The following RAB23 variants were observed in gnomAD, a reference collection of about 807,000 sequenced individuals.
RAB23 encodes ras-related protein Rab-23.
RAB23 carries 15 observed loss-of-function variants against 30.0 expected under a neutral mutation model. That is an observed-to-expected ratio of 0.50 (90% CI 0.33 to 0.77). The LOEUF (loss-of-function observed/expected upper bound fraction) is 0.77, where lower values mean the gene tolerates loss of function less well. Among genes scored for constraint, RAB23 ranks in the 30% least tolerant of loss-of-function variants. RAB23 has a pLI of 0.02. For missense variants in RAB23, 243 were observed against 275.4 expected (o/e 0.88, Z 0.83); for synonymous variants, 93 against 94.0 (o/e 0.99, Z 0.06).
intron 1 of RAB23, among the ~76,000 whole-genome samples, chr6:57,218,289 A>G (rs1241835304): frequency 6.6e-6 from 1 of 152,228 alleles, no homozygotes; most frequent in Non-Finnish European, 1.5e-5. Context: ...TTCTGAACAA[A>G]GATGTAAAAA....
At chr6:57,192,083 A>G (rs1212285878) in intron 6 of RAB23, among the ~76,000 whole-genome samples, 3 of 152,010 alleles carry the variant, frequency 2.0e-5, no homozygotes, top group Non-Finnish European at 2.9e-5. Context: ...GCCTCAAGCA[A>G]TCCTCCTGCT....
chr6:57,205,656 G>A (rs1765431699), intron 3 of RAB23, among the ~76,000 whole-genome samples: 1 of 152,098 alleles, frequency 6.6e-6, no homozygotes. Context: ...AAGGCAAAAG[G>A]TCAAGAGAGA....
chr6:57,195,690 G>A (rs1268916735), intron 4 of RAB23, among the ~76,000 whole-genome samples: 1 of 152,222 alleles, frequency 6.6e-6, no homozygotes, highest in African/African-American at 2.4e-5. Context: ...TTCCTGCCAA[G>A]TGAATAAGCC....
chr6:57,190,948 C>A (rs940990810), intron 6 of RAB23, among the ~76,000 whole-genome samples: 4 of 152,196 alleles, frequency 2.6e-5, no homozygotes, highest in Non-Finnish European at 5.9e-5. Flanking sequence ...TTTAACTACT[C>A]TACCTTATAT....
At chr6:57,220,014 G>A (rs1289061005) in intron 1 of RAB23, among the ~76,000 whole-genome samples, 1 of 152,086 alleles carries the variant, frequency 6.6e-6, no homozygotes. Flanking sequence ...TGAAAAACAC[G>A]TATCTAACAT....
At chr6:57,191,216 A>C (rs186318153) in intron 6 of RAB23, among the ~76,000 whole-genome samples, 1 of 152,178 alleles carries the variant, frequency 6.6e-6, no homozygotes, top group Non-Finnish European at 1.5e-5. Context: ...AAAAGAGGTC[A>C]CATTAGGGCT....
intron 1 of RAB23, among the ~76,000 whole-genome samples, chr6:57,211,824 A>C (rs966830780): frequency 6.6e-6 from 1 of 152,238 alleles, no homozygotes. Context: ...GTTTCTTCTT[A>C]AAATTACTAG....
chr6:57,208,807 AG>A (rs1305938278), intron 2 of RAB23, among the ~76,000 whole-genome samples: 2 of 152,162 alleles, frequency 1.3e-5, no homozygotes, highest in African/African-American at 4.8e-5. Flanking sequence ...AGGGAAACAT[AG>A]GGTTAGGTTT....
intron 6 of RAB23, among the ~76,000 whole-genome samples, chr6:57,192,833 G>A (rs1764890857): frequency 6.6e-6 from 1 of 152,146 alleles, no homozygotes; most frequent in African/African-American, 2.4e-5. Context: ...GACAGAAGAT[G>A]GGAAAGAGGT....
chr6:57,203,010 T>G (rs1218240439), intron 3 of RAB23, among the ~76,000 whole-genome samples: 1 of 140,928 alleles, frequency 7.1e-6, no homozygotes, highest in Admixed American at 7.0e-5. Flanking sequence ...GTTTTTTTTT[T>G]TTTTTTTTTT....
Position 57,188,936 on chromosome 6 carries a change from AAGG to A in RAB23, c.*1522_*1524del, listed in dbSNP as rs1410002766. On this transcript the variant is annotated 3_prime_UTR_variant, in exon 7 of 7. Transcript: ENST00000468148. Reference sequence around the variant, plus strand: ...TGGAAAAACAAAAGATAAAACACAAAAGGAGTACATAAAACATTGTTTAGTACA... The same window carrying A: ...TGGAAAAACAAAAGATAAAACACAAAAGTACATAAAACATTGTTTAGTACA... 6.6e-6 allele frequency: 1 copy of A among 152,186 alleles called. No homozygotes were observed. The highest frequency in any genetic ancestry group is 2.4e-5 in the African/African-American group (1 of 41,450). The allele number at this position is 152,186 out of a possible 1,614,324, so 9.4% of individuals were successfully genotyped here.
chr6:57,210,369 T>C lies in RAB23; in HGVS notation c.12A>G (p.Glu4=). The C allele has an allele frequency of 1.2e-6, 2 of 1,614,088 alleles. No individual in the cohort carries two copies. The highest frequency in any genetic ancestry group is 1.7e-6 in the Non-Finnish European group (2 of 1,179,960). ...CCATCTTTATGGCGACTTCCATATC[T>C]TCCTCCAACATTTTTGGAGCTGAAA... MLE[E]DMEVAIKMVV... The change falls in exon 2 of 7, where the codon GAA becomes GAG. Residue 4 remains glutamate, a synonymous_variant. Coordinates refer to ENST00000468148, the MANE Select transcript of RAB23 (RefSeq NM_016277.5).
chr6:57,194,633 A>G, intron 5 of RAB23, 137 bp downstream of exon 5: 1 of 635,722 alleles, frequency 1.6e-6, no homozygotes, highest in Non-Finnish European at 2.7e-6. Context: ...AGAAGTAGAA[A>G]GCCTTTAAAT....
intron 1 of RAB23, among the ~76,000 whole-genome samples, chr6:57,217,668 A>G (rs775757735): frequency 1.3e-5 from 2 of 152,190 alleles, no homozygotes; most frequent in Admixed American, 6.5e-5. Context: ...GTTTCAACTC[A>G]ATAATCTAAG....
intron 4 of RAB23, 38 bp from the exon 5 acceptor site, chr6:57,194,890 G>A (rs930270103): frequency 4.7e-6 from 7 of 1,476,592 alleles, no homozygotes; most frequent in Admixed American, 1.7e-5. Context: ...TTACAAAGGT[G>A]CCTTCTGATA....
Position 57,219,186 on chromosome 6 carries a change from TACAA to T in RAB23, c.-66+2536_-66+2539del, listed in dbSNP as rs1208556047. Among the ~76,000 whole-genome samples, 5 of 152,240 alleles carry T rather than the reference TACAA, an allele frequency of 3.3e-5. 1 individual carries two copies. In the South Asian group the frequency reaches 6.2e-4, roughly 19 times the overall value. On this transcript the variant is annotated intron_variant, in intron 1 of 6. Transcript: ENST00000468148. ...CACAAAATTCAATTGTATTTCTGTG[TACAA>T]ACAATGTACAATTTGAAACCAGTAT...
At chr6:57,207,208 T>G (rs916128397) in intron 3 of RAB23, among the ~76,000 whole-genome samples, 1 of 152,256 alleles carries the variant, frequency 6.6e-6, no homozygotes, top group African/African-American at 2.4e-5. Flanking sequence ...TATCTCATAC[T>G]TCTCTGAACT....
chr6:57,219,136 A>G (rs1765957920), intron 1 of RAB23, among the ~76,000 whole-genome samples: 1 of 152,256 alleles, frequency 6.6e-6, no homozygotes, highest in Admixed American at 6.5e-5. Context: ...TGAGTTTAGC[A>G]AAGTCAGAGG....
chr6:57,194,959 AG>A, intron 4 of RAB23, 107 bp from the exon 5 acceptor site: 1 of 805,628 alleles, frequency 1.2e-6, no homozygotes, highest in East Asian at 2.6e-5. Context: ...CAGGGAAGGG[AG>A]GGAAGGTGGA....
Sources: gnomAD v4.1 joint callset for allele counts (sites outside exome capture counted in the v4.1 genomes callset) on GRCh38, gnomAD v4.1.1 for gene constraint, MANE v1.5 for transcripts, NCBI Gene and HGNC (gene_info 2026-07-23, HGNC 2026-07-21) for gene names.